Variants in NTN1 observed in about 807,000 individuals in gnomAD.
The protein encoded by NTN1 is netrin-1.
NTN1 carries 11 observed loss-of-function variants against 54.2 expected under a neutral mutation model. The ratio of observed to expected loss-of-function variants is 0.20; its 90% confidence interval spans 0.13 to 0.34. NTN1 has a LOEUF of 0.34. Ranked by LOEUF, NTN1 falls within the 10% of genes least tolerant of loss-of-function variation. NTN1 has a pLI of 1.00. For synonymous variants in NTN1, 371 were observed against 382.0 expected, an observed-to-expected ratio of 0.97 and a Z score of 0.33; for missense variants, 740 against 893.1, an observed-to-expected ratio of 0.83 and a Z score of 2.18.
upstream of NTN1, among the ~76,000 whole-genome samples, chr17:9,018,360 G>A (rs559340593): frequency 3.9e-5 from 6 of 152,148 alleles, no homozygotes; most frequent in Middle Eastern, 3.4e-3. Context: ...GGCTGGGCGC[G>A]GTGGCTCACT....
intron 2 of NTN1, among the ~76,000 whole-genome samples, chr17:9,072,679 G>A (rs962985317): frequency 6.6e-6 from 1 of 152,134 alleles, no homozygotes; most frequent in Non-Finnish European, 1.5e-5. Context: ...GGGAGGCAGG[G>A]GTGGGAATAA....
chr17:9,019,813 C>T (rs1328203099), upstream of NTN1, among the ~76,000 whole-genome samples: 2 of 152,182 alleles, frequency 1.3e-5, no homozygotes, highest in African/African-American at 4.8e-5. Context: ...CATTTATTTC[C>T]TTTGACCTCA....
At chr17:9,011,538 C>T in the NTN1 span, among the ~76,000 whole-genome samples, 9 of 152,218 alleles carry the variant, frequency 5.9e-5, no homozygotes, top group African/African-American at 2.2e-4. Flanking sequence ...CCCTTTTACA[C>T]CCATATAAGG....
At chr17:9,200,674 A>G (rs944813618) in intron 5 of NTN1, among the ~76,000 whole-genome samples, 1 of 152,224 alleles carries the variant, frequency 6.6e-6, no homozygotes, top group Admixed American at 6.5e-5. Context: ...AAGAGGATTT[A>G]TGCATGTGTC....
At chr17:9,018,187 C>T (rs970107726), upstream of NTN1, among the ~76,000 whole-genome samples, 2 of 152,080 alleles carry the variant, frequency 1.3e-5, no homozygotes, top group South Asian at 4.1e-4. Flanking sequence ...AGATGATAAG[C>T]GTAGACCTAA....
rs74642661 is a variant in NTN1, at chr17:9,042,097, C to T, written c.1018+18706C>T. Among the ~76,000 whole-genome samples, 1,518 of 151,960 alleles carry T rather than the reference C, an allele frequency of 1.0e-2. 26 individuals are homozygous for T. The highest frequency in any genetic ancestry group is 0.032 in the African/African-American group (1,336 of 41,430). On this transcript the variant is annotated intron_variant, in intron 2 of 6. Transcript: ENST00000173229. Reference sequence around the variant, plus strand: ...TCAGGCAGTTATACTGTTCCTAGGACCCTAGAACCCACCAGCAACATATGG... The same window carrying T: ...TCAGGCAGTTATACTGTTCCTAGGATCCTAGAACCCACCAGCAACATATGG...
At chr17:9,019,961 A>T (rs1755033776), upstream of NTN1, among the ~76,000 whole-genome samples, 2 of 152,208 alleles carry the variant, frequency 1.3e-5, no homozygotes, top group Admixed American at 6.5e-5. Flanking sequence ...CTAAATTGCT[A>T]CCCCGGGGTA....
intron 2 of NTN1, among the ~76,000 whole-genome samples, chr17:9,110,257 C>T (rs1307923836): frequency 7.1e-6 from 1 of 140,196 alleles, no homozygotes; most frequent in African/African-American, 2.7e-5. Context: ...ATCTCCTTCC[C>T]CTACCTCCTG....
intron 2 of NTN1, among the ~76,000 whole-genome samples, chr17:9,161,798 A>C (rs1204550070): frequency 2.0e-5 from 3 of 152,110 alleles, no homozygotes; most frequent in African/African-American, 4.8e-5. Flanking sequence ...AAACAAACAA[A>C]AAGAAATTGT....
chr17:9,114,154 A>ATATATATATATATATATAT (rs1491588506), intron 2 of NTN1, among the ~76,000 whole-genome samples: 2 of 39,204 alleles, frequency 5.1e-5, no homozygotes, highest in African/African-American at 1.9e-4. Context: ...AAAAAAAAAG[A>ATATATATATATATATATAT]AAAAAAAAAA....
intron 2 of NTN1, among the ~76,000 whole-genome samples, chr17:9,118,175 AACAGC>A (rs1249420153): frequency 2.6e-5 from 4 of 152,174 alleles, no homozygotes; most frequent in Non-Finnish European, 5.9e-5. Flanking sequence ...GTGTGTTTTT[AACAGC>A]TTTATTGAGA....
At chr17:9,061,641 C>T (rs962100375) in intron 2 of NTN1, among the ~76,000 whole-genome samples, 4 of 152,242 alleles carry the variant, frequency 2.6e-5, no homozygotes, top group African/African-American at 9.6e-5. Flanking sequence ...TGGAGAACCA[C>T]TGGTAAGCGA....
rs2092277415 is a variant in NTN1 at position 9,135,254 on chromosome 17, A to G, written c.1019-27559A>G. On this transcript the variant is annotated intron_variant, in intron 2 of 6. Coordinates refer to ENST00000173229, the MANE Select transcript of NTN1 (RefSeq NM_004822.3). This position sits in a 1 kb window ranked among gnomAD's most constrained non-coding sequence, Gnocchi z 4.4. The stretch of plus-strand genomic sequence containing the variant: ...ACAGGAGGGTCACTGTTCTGCTGGA[A>G]AGTGTCTGAGAGCAGCTGCCACCTG... 1.3e-5 allele frequency among the ~76,000 whole-genome samples: 2 copies of G among 152,016 alleles called. No homozygotes were observed. Among genetic ancestry groups the G allele is most frequent in the African/African-American group, 2.4e-5 (1 of 41,338 alleles).
intron 2 of NTN1, among the ~76,000 whole-genome samples, chr17:9,131,543 C>T (rs951610358): frequency 6.7e-6 from 1 of 149,698 alleles, no homozygotes; most frequent in African/African-American, 2.5e-5. Context: ...GGGCTGTGCT[C>T]GGTTTGTCTG....
chr17:9,025,663 T>C (rs2091867969), intron 2 of NTN1, among the ~76,000 whole-genome samples: 1 of 152,234 alleles, frequency 6.6e-6, no homozygotes, highest in Non-Finnish European at 1.5e-5. Flanking sequence ...GAACATCAGA[T>C]TGAAGTTCCC....
chr17:9,199,167 T>TG (rs1445567324), intron 5 of NTN1, among the ~76,000 whole-genome samples: 1 of 152,202 alleles, frequency 6.6e-6, no homozygotes, highest in Non-Finnish European at 1.5e-5. Context: ...TTTGAGACAG[T>TG]GTTTCGCTCT....
chr17:9,186,230 T>C (rs1192351578), intron 5 of NTN1, among the ~76,000 whole-genome samples: 1 of 152,210 alleles, frequency 6.6e-6, no homozygotes, highest in Non-Finnish European at 1.5e-5. Context: ...TGAGATGTCA[T>C]TGAATGTGAA....
At chr17:9,118,007 A>G (rs2142258841) in intron 2 of NTN1, among the ~76,000 whole-genome samples, 1 of 152,316 alleles carries the variant, frequency 6.6e-6, no homozygotes, top group East Asian at 1.9e-4. Context: ...AGCGTAGCTC[A>G]TGGGGCCATG....
intron 2 of NTN1, among the ~76,000 whole-genome samples, chr17:9,145,024 T>C (rs1251264210): frequency 1.3e-5 from 2 of 152,148 alleles, no homozygotes; most frequent in African/African-American, 4.8e-5. Flanking sequence ...CGGGGGCCAG[T>C]GGCGAGGACA....
Sources: allele counts gnomAD v4.1 joint callset (sites outside exome capture counted in the v4.1 genomes callset), GRCh38; gene constraint gnomAD v4.1.1; non-coding constraint Gnocchi (gnomAD v3.1); transcripts MANE v1.5; gene names NCBI Gene and HGNC (gene_info 2026-07-23, HGNC 2026-07-21).